Variants in CEACAM20 observed in about 807,000 individuals in gnomAD.
CEACAM20 encodes the protein CEA cell adhesion molecule 20.
In CEACAM20, 50 loss-of-function variants were observed where a neutral mutation model predicts 61.2. That is an observed-to-expected ratio of 0.82 (90% confidence interval 0.65 to 1.03). The LOEUF (loss-of-function observed/expected upper bound fraction) is 1.03. CEACAM20 is among the 50% of genes least tolerant of loss of function. CEACAM20 has a pLI of 0.00. For missense variants in CEACAM20, 683 were observed against 736.4 expected (o/e 0.93, Z 0.84); for synonymous variants, 282 against 287.7 (o/e 0.98, Z 0.20).
intron 4 of CEACAM20, among the ~76,000 whole-genome samples, chr19:44,521,975 G>A (rs901709033): frequency 6.6e-6 from 1 of 152,100 alleles, no homozygotes; most frequent in African/African-American, 2.4e-5. Flanking sequence ...CCAGGGTCTC[G>A]TGCAGGATGT....
intron 9 of CEACAM20, 95 bp from the exon 10 acceptor site, chr19:44,511,767 A>G (rs899675002): frequency 7.9e-7 from 1 of 1,258,738 alleles, no homozygotes; most frequent in South Asian, 1.3e-5. Context: ...AGAGGCAATT[A>G]TAGCACTTCT....
At position 44,520,762 on chromosome 19, in the gene CEACAM20, C is replaced by T. The variant is rs773938341; in HGVS notation, c.752-10G>A. ...GGCATGGTCAGTGTTTCTGGAAACA[C>T]GTGGAGATACACAGTCAGGTTCAGG... On this transcript the variant is annotated splice_polypyrimidine_tract_variant and intron_variant, in intron 4 of 11. Coordinates refer to ENST00000614924, the MANE Select transcript of CEACAM20 (RefSeq NM_001102597.3). The T allele has an allele frequency of 2.4e-5, 39 of 1,609,058 alleles. No individual in the cohort carries two copies. The highest frequency in any genetic ancestry group is 1.6e-4 in the Middle Eastern group (1 of 6,072).
In CEACAM20 at chr19:44,511,106, T is replaced by C. The variant is rs558551827; in HGVS notation, c.1661A>G (p.Lys554Arg). ...GGGCATCAGAGGTTTGGGTGGTGGCTTCCAGGGGCTGAAAGAATTGCCTCT... is the reference window on the plus strand; with the variant it reads ...GGGCATCAGAGGTTTGGGTGGTGGCCTCCAGGGGCTGAAAGAATTGCCTCT... ...SRRGNSFSPW[K>R]PPPKPLMPPL... The change falls in exon 11 of 12, where the codon AAG becomes AGG. Residue 554 changes from lysine to arginine, a missense_variant. Lys to Arg is a conservative substitution (Grantham distance 26). Transcript: ENST00000614924. The C allele has an allele frequency of 3.7e-6, 6 of 1,613,996 alleles. 1 individual carries two copies. The highest frequency in any genetic ancestry group is 4.5e-5 in the East Asian group (2 of 44,880).
At chr19:44,523,897 T>A in intron 3 of CEACAM20, 89 bp downstream of exon 3, 1 of 1,370,942 alleles carries the variant, frequency 7.3e-7, no homozygotes, top group Non-Finnish European at 9.9e-7. Context: ...CAAGTCCGCA[T>A]CTGGATGGTA....
At chr19:44,509,820 G>T (rs1464650539) in intron 11 of CEACAM20, among the ~76,000 whole-genome samples, 2 of 151,960 alleles carry the variant, frequency 1.3e-5, no homozygotes, top group Non-Finnish European at 2.9e-5. Flanking sequence ...GAATGGAAAA[G>T]AAATATAAAG....
chr19:44,523,228 C>T (rs1459055588), intron 3 of CEACAM20, among the ~76,000 whole-genome samples: 1 of 151,730 alleles, frequency 6.6e-6, no homozygotes, highest in Admixed American at 6.6e-5. Flanking sequence ...GGGCAACATA[C>T]CAAGATCCCA....
intron 5 of CEACAM20, among the ~76,000 whole-genome samples, chr19:44,518,156 A>G (rs1419720234): frequency 3.5e-5 from 3 of 86,268 alleles, no homozygotes; most frequent in Non-Finnish European, 7.1e-5. Flanking sequence ...GGAAGGAAGG[A>G]AGGAAGGAAG....
At chr19:44,510,376 G>A (rs1271195802) in intron 11 of CEACAM20, among the ~76,000 whole-genome samples, 1 of 151,928 alleles carries the variant, frequency 6.6e-6, no homozygotes, top group Non-Finnish European at 1.5e-5. Flanking sequence ...AGCTGGGTGT[G>A]ATGGCTCGTG....
chr19:44,524,011 G>T lies in CEACAM20; in HGVS notation c.447C>A (p.Ser149Arg). ...ACTTCACATCCAGGAAGATGGGGTC[G>T]CTCCTCTGGCTCAGAAGGGCATCTC... ...EARDALLSQR[S>R]DPIFLDVKYG... Residue 149 changes from serine (S) to arginine (R), a missense_variant, in exon 3 of 12, where the codon AGC (serine) becomes AGA (arginine). Physicochemically the swap from Ser to Arg is moderately radical, Grantham distance 110. Coordinates refer to ENST00000614924, the MANE Select transcript of CEACAM20 (RefSeq NM_001102597.3). 1 of 1,552,834 alleles carries T rather than the reference G, an allele frequency of 6.4e-7. No homozygotes were observed. The highest frequency in any genetic ancestry group is 8.7e-7 in the Non-Finnish European group (1 of 1,147,374).
In CEACAM20 at chr19:44,529,644, A is replaced by C; in HGVS notation, c.-135T>G. 2.9e-6 allele frequency: 2 copies of C among 685,262 alleles called. No individual in the cohort carries two copies. Among genetic ancestry groups the C allele is most frequent in the Non-Finnish European group, 5.1e-6 (2 of 392,332 alleles). The allele number at this position is 685,262 out of a possible 1,614,324, so 42.4% of individuals were successfully genotyped here. On this transcript the variant is annotated 5_prime_UTR_variant, in exon 1 of 12. Coordinates refer to ENST00000614924, the MANE Select transcript of CEACAM20 (RefSeq NM_001102597.3). ...CCCACCCTGCTACAAACTCACACAC[A>C]CACTGCAGTAACTGCAGCTCCCAGG...
chr19:44,513,563 T>C (rs995223646), intron 6 of CEACAM20, among the ~76,000 whole-genome samples: 1 of 144,450 alleles, frequency 6.9e-6, no homozygotes, highest in Admixed American at 7.0e-5. Flanking sequence ...CAGCCTCCCC[T>C]AGTAGCTGGG....
chr19:44,524,253 T>G lies in CEACAM20; in HGVS notation c.205A>C (p.Lys69Gln). 7 of 1,611,940 alleles carry G rather than the reference T, an allele frequency of 4.3e-6. No individual in the cohort carries two copies. The highest frequency in any genetic ancestry group is 5.9e-6 in the Non-Finnish European group (7 of 1,178,630). Residue 69 changes from lysine (K) to glutamine (Q), a missense_variant, in exon 3 of 12, where the codon AAA (lysine) becomes CAA (glutamine). Lys to Gln is a moderately conservative substitution (Grantham distance 53, BLOSUM62 1). Transcript: ENST00000614924. The part of the protein sequence containing the change: ...QIHGRSRELA[K>Q]PSIAVSPGTA... ...CCTGGGCTGACTGCAATGGAGGGTT[T>G]GGCCAGCTCTGAAAGCAAGCGAGGG...
chr19:44,517,190 C>T lies in CEACAM20; in HGVS notation c.1065G>A (p.Ser355=), dbSNP rs142602331. 4.0e-3 allele frequency: 6,513 copies of T among 1,610,194 alleles called. 36 individuals are homozygous for T. The highest frequency in any genetic ancestry group is 0.011 in the South Asian group (988 of 91,072). ...CTATGGTGCTGATCATCTCAGATGCCGACTCCCTGGTGATGTGCACTTGGT... is the reference window on the plus strand; with the variant it reads ...CTATGGTGCTGATCATCTCAGATGCTGACTCCCTGGTGATGTGCACTTGGT... ...GPDQVHITRE[S]ASEMISTIEA... The change falls in exon 6 of 12, where the codon TCG becomes TCA. Residue 355 remains serine (S), a synonymous_variant. Transcript: ENST00000614924.
At position 44,529,447 on chromosome 19, in the gene CEACAM20, A is replaced by C. The variant is rs773813469; in HGVS notation, c.52+11T>G. 4 of 1,612,696 alleles carry C rather than the reference A, an allele frequency of 2.5e-6. No individual in the cohort carries two copies. The East Asian group carries it at 8.9e-5, about 36-fold the overall frequency. ...CCCTCCTCCCGCATCTGAAGGAAGCAGGGCACTCACCTGAAAGCAGGATTC... is the reference window on the plus strand; with the variant it reads ...CCCTCCTCCCGCATCTGAAGGAAGCCGGGCACTCACCTGAAAGCAGGATTC... On this transcript the variant is annotated intron_variant, in intron 1 of 11. Coordinates refer to ENST00000614924, the MANE Select transcript of CEACAM20 (RefSeq NM_001102597.3).
intron 5 of CEACAM20, among the ~76,000 whole-genome samples, chr19:44,517,976 G>A (rs940110657): frequency 1.3e-5 from 2 of 151,552 alleles, no homozygotes; most frequent in South Asian, 2.1e-4. Context: ...GCAGCTACTC[G>A]AGTGGCTAAG....
intron 4 of CEACAM20, 84 bp downstream of exon 4, chr19:44,522,550 A>G: frequency 6.9e-7 from 1 of 1,450,826 alleles, no homozygotes; most frequent in South Asian, 1.4e-5. Context: ...AAGGCCCTGG[A>G]TTAAGAACTC....
At position 44,525,188 on chromosome 19, in the gene CEACAM20, T is replaced by A. The variant is rs1396227317; in HGVS notation, c.109A>T (p.Asn37Tyr). ...PAAAQLTLNANPLDATQSEDV... is the reference protein window; with the variant it reads ...PAAAQLTLNAYPLDATQSEDV... ...TCACTTTGGGTGGCATCAAGTGGGT[T>A]GGCATTGAGGGTGAGCTGGGCTGCA... Residue 37 changes from asparagine (N) to tyrosine (Y), a missense_variant, in exon 2 of 12, where the codon AAC (asparagine) becomes TAC (tyrosine). Transcript: ENST00000614924. The A allele has an allele frequency of 6.2e-7, 1 of 1,610,006 alleles. No homozygotes were observed. Among genetic ancestry groups the A allele is most frequent in the East Asian group, 2.3e-5 (1 of 44,434 alleles).
chr19:44,529,311 GTCTC>G (rs1476994048), intron 1 of CEACAM20, 143 bp downstream of exon 1: 1 of 703,632 alleles, frequency 1.4e-6, no homozygotes, highest in African/African-American at 1.8e-5. Flanking sequence ...CTGTCTCTGT[GTCTC>G]TATTTTTTTT....
At position 44,520,633 on chromosome 19, in the gene CEACAM20, C is replaced by T; in HGVS notation, c.871G>A (p.Gly291Ser). The T allele has an allele frequency of 1.2e-6, 2 of 1,614,016 alleles. No individual in the cohort carries two copies. The highest frequency in any genetic ancestry group is 1.7e-6 in the Non-Finnish European group (2 of 1,179,884). The change falls in exon 5 of 12, where the codon GGC (glycine) becomes AGC (serine). Residue 291 changes from glycine (G) to serine (S), a missense_variant. Physicochemically the swap from Gly to Ser is moderately conservative, Grantham distance 56 (BLOSUM62 0). Transcript: ENST00000614924. ...TGCTCACTGGGCAGGAGGGGCTGGC[C>T]ACTTAGGAACCACTGGACATTCACA... ...QSVNVQWFLS[G>S]QPLLPSEHLQ...
Sources: gnomAD v4.1 joint callset for allele counts (sites outside exome capture counted in the v4.1 genomes callset) on GRCh38, gnomAD v4.1.1 for gene constraint, MANE v1.5 for transcripts, NCBI Gene and HGNC (gene_info 2026-07-23, HGNC 2026-07-21) for gene names.